The following PUM1 variants were observed in gnomAD, a reference collection of about 807,000 sequenced individuals.
PUM1 encodes the protein pumilio RNA binding family member 1.
In PUM1, 13 loss-of-function variants were observed where a neutral mutation model predicts 131.8. The ratio of observed to expected loss-of-function variants is 0.10; its 90% CI spans 0.06 to 0.16. The LOEUF is 0.16. Ranked by LOEUF, PUM1 falls within the 10% of genes least tolerant of loss-of-function variation. PUM1 has a pLI of 1.00. For missense variants in PUM1, 961 were observed against 1,512.4 expected, an observed-to-expected ratio of 0.64 and a Z score of 6.05; for synonymous variants, 509 against 556.5, an observed-to-expected ratio of 0.91 and a Z score of 1.20.
Position 30,965,884 on chromosome 1 carries a change from T to A in PUM1, c.2086+98A>T. The A allele has an allele frequency of 3.8e-6, 5 of 1,308,050 alleles. No homozygotes were observed. In the South Asian group the frequency reaches 5.9e-5, roughly 16 times the overall value. The allele number at this position is 1,308,050 out of a possible 1,614,324, so 81.0% of individuals were successfully genotyped here. On this transcript the variant is annotated intron_variant, in intron 13 of 21. Coordinates refer to ENST00000426105, the MANE Select transcript of PUM1 (RefSeq NM_001020658.2). ...ATGGCTGGATTCCCACAAGGCTTGG[T>A]CCAGATCTGCCTGTGGTTCCATGCA...
intron 10 of PUM1, among the ~76,000 whole-genome samples, 180 bp from the exon 11 acceptor site, chr1:30,968,672 C>A (rs1229416409): frequency 6.6e-6 from 1 of 152,184 alleles, no homozygotes; most frequent in East Asian, 1.9e-4. Context: ...AGTGGAATTT[C>A]ATTCTACCAT....
At chr1:30,999,606 C>CCAAAAAAAAAAAAAAAAAAAAAAAAA (rs1642123395) in intron 5 of PUM1, among the ~76,000 whole-genome samples, 1 of 53,956 alleles carries the variant, frequency 1.9e-5, no homozygotes, top group Non-Finnish European at 3.4e-5. Context: ...GACTCTGTCT[C>CCAAAAAAAAAAAAAAAAAAAAAAAAA]AAAAAAAAAA....
chr1:31,052,357 G>A (rs1644132043), intron 2 of PUM1, among the ~76,000 whole-genome samples: 1 of 152,050 alleles, frequency 6.6e-6, no homozygotes, highest in Non-Finnish European at 1.5e-5. Flanking sequence ...TGGGTGGGAA[G>A]ATGTGTCTAG....
intron 18 of PUM1, among the ~76,000 whole-genome samples, chr1:30,944,116 C>T (rs543809724): frequency 3.9e-5 from 6 of 152,260 alleles, no homozygotes; most frequent in Middle Eastern, 3.4e-3. Flanking sequence ...AACAGATCTA[C>T]CCTTTTTTCT....
At chr1:31,062,429 G>A (rs1034310357) in intron 1 of PUM1, among the ~76,000 whole-genome samples, 1 of 152,038 alleles carries the variant, frequency 6.6e-6, no homozygotes, top group Non-Finnish European at 1.5e-5. Context: ...AGACCAGCCT[G>A]GCCAATATAC....
At position 30,963,052 on chromosome 1, in the gene PUM1, G is replaced by A. The variant is rs200839433; in HGVS notation, c.2323+1622C>T. The stretch of plus-strand genomic sequence containing the variant: ...CACTGAAACTGCATGCTTTGGAGTC[G>A]AAAAGGCTTGATTCTAAATCTGTTC... On this transcript the variant is annotated intron_variant, in intron 14 of 21. Transcript: ENST00000426105. 1.2e-4 allele frequency among the ~76,000 whole-genome samples: 18 copies of A among 152,274 alleles called. No individual in the cohort carries two copies. In the East Asian group the frequency reaches 2.7e-3, roughly 23 times the overall value.
chr1:30,956,197 T>C (rs1640157841), intron 14 of PUM1, among the ~76,000 whole-genome samples: 1 of 152,182 alleles, frequency 6.6e-6, no homozygotes, highest in Non-Finnish European at 1.5e-5. Flanking sequence ...TGAAAAGTGA[T>C]TTTTTTAAGG....
At chr1:30,948,119 A>G (rs1639759048) in intron 17 of PUM1, among the ~76,000 whole-genome samples, 1 of 152,078 alleles carries the variant, frequency 6.6e-6, no homozygotes, top group African/African-American at 2.4e-5. Context: ...AAGTGCTGGG[A>G]TTACAGGCAT....
Position 30,992,372 on chromosome 1 carries a change from C to G in PUM1, c.1158+18G>C, listed in dbSNP as rs764176757. 2 of 1,607,714 alleles carry G rather than the reference C, an allele frequency of 1.2e-6. No individual in the cohort carries two copies. The highest frequency in any genetic ancestry group is 1.7e-6 in the Non-Finnish European group (2 of 1,176,202). On this transcript the variant is annotated intron_variant, in intron 7 of 21. Coordinates refer to ENST00000426105, the MANE Select transcript of PUM1 (RefSeq NM_001020658.2). ...GCTGGAGGGAGAGTAGAGAGGGTGA[C>G]AGAGACACACACAGTACCTGTTGTT...
chr1:30,956,296 C>T (rs1450375307), intron 14 of PUM1, among the ~76,000 whole-genome samples: 1 of 151,886 alleles, frequency 6.6e-6, no homozygotes, highest in Admixed American at 6.6e-5. Flanking sequence ...CGGAGTCTTG[C>T]TCTGTCACCT....
chr1:31,012,006 A>C (rs753477437), intron 3 of PUM1, among the ~76,000 whole-genome samples: 1 of 152,206 alleles, frequency 6.6e-6, no homozygotes, highest in Non-Finnish European at 1.5e-5. Context: ...ATGATGCACA[A>C]AGAAGCCTAT....
At chr1:30,989,170 T>C (rs551689205) in intron 7 of PUM1, among the ~76,000 whole-genome samples, 1 of 152,202 alleles carries the variant, frequency 6.6e-6, no homozygotes, top group Non-Finnish European at 1.5e-5. Flanking sequence ...CCAACCAGAC[T>C]GACTACTTCT....
In PUM1 at chr1:31,038,094, C is replaced by A. The variant is rs533995174; in HGVS notation, c.364-9230G>T. On this transcript the variant is annotated intron_variant, in intron 2 of 21. Transcript: ENST00000426105. ...ACTCCATCTCAAAAAAAAAAAAAAACCCTGGCATCATTTAATACTTCAACT... is the reference window on the plus strand; with the variant it reads ...ACTCCATCTCAAAAAAAAAAAAAAAACCTGGCATCATTTAATACTTCAACT... Among the ~76,000 whole-genome samples the A allele has an allele frequency of 4.8e-3, 722 of 148,882 alleles. 4 individuals are homozygous for A. The highest frequency in any genetic ancestry group is 0.017 in the African/African-American group (692 of 40,592).
chr1:30,940,619 A>C (rs966076109), intron 20 of PUM1, among the ~76,000 whole-genome samples: 1 of 152,226 alleles, frequency 6.6e-6, no homozygotes, highest in Non-Finnish European at 1.5e-5. Flanking sequence ...GTATCTTCTC[A>C]GAAGACTATA....
chr1:31,016,098 A>T (rs1642809377), intron 3 of PUM1, among the ~76,000 whole-genome samples: 1 of 152,258 alleles, frequency 6.6e-6, no homozygotes, highest in South Asian at 2.1e-4. Context: ...AAAAAATGCA[A>T]AATTTGAAAT....
intron 2 of PUM1, among the ~76,000 whole-genome samples, chr1:31,057,352 A>AATATCATC (rs1644263544): frequency 7.8e-6 from 1 of 128,810 alleles, no homozygotes; most frequent in Non-Finnish European, 1.6e-5. Context: ...GCAGTGAGCC[A>AATATCATC]ATATCATCAT....
intron 17 of PUM1, among the ~76,000 whole-genome samples, chr1:30,947,079 C>T (rs187427479): frequency 4.3e-4 from 66 of 152,250 alleles, no homozygotes; most frequent in African/African-American, 1.5e-3. Flanking sequence ...AACAGTCTTA[C>T]GGAGTGGACA....
intron 2 of PUM1, among the ~76,000 whole-genome samples, chr1:31,044,297 A>T (rs1436153347): frequency 6.6e-6 from 1 of 152,156 alleles, no homozygotes; most frequent in African/African-American, 2.4e-5. Flanking sequence ...GCTACTCGGG[A>T]GGCTGAGGCA....
rs1639224535 is a variant in PUM1 at position 30,936,745 on chromosome 1, G to A, written c.3333C>T (p.His1111=). The A allele has an allele frequency of 6.2e-7, 1 of 1,613,936 alleles. No individual in the cohort carries two copies. Among genetic ancestry groups the A allele is most frequent in the African/African-American group, 1.3e-5 (1 of 74,904 alleles). ...CCTTCATCATGGTGTATAAGGCACT[G>A]TGGGGACCGTCGTTCATGGTGCACA... ...DEVCTMNDGP[H]SALYTMMKDQ... Residue 1111 remains histidine (H), a synonymous_variant, in exon 21 of 22, where the codon CAC becomes CAT. Coordinates refer to ENST00000426105, the MANE Select transcript of PUM1 (RefSeq NM_001020658.2).
Sources: gnomAD v4.1 joint callset for allele counts (sites outside exome capture counted in the v4.1 genomes callset) on GRCh38, gnomAD v4.1.1 for gene constraint, MANE v1.5 for transcripts, NCBI Gene and HGNC (gene_info 2026-07-23, HGNC 2026-07-21) for gene names.